RAB38: variants seen among roughly 807,000 people sequenced by gnomAD.
The protein encoded by RAB38 is ras-related protein Rab-38.
In RAB38, 15 loss-of-function variants were observed where a neutral mutation model predicts 18.4. The ratio of observed to expected loss-of-function variants is 0.82; its 90% CI spans 0.55 to 1.26. RAB38 has a LOEUF of 1.26. RAB38 is among the 50% of genes most tolerant of loss of function. RAB38 has a pLI of 0.00. For synonymous variants in RAB38, 101 were observed against 104.4 expected, an observed-to-expected ratio of 0.97 and a Z score of 0.20; for missense variants, 294 against 267.4, an observed-to-expected ratio of 1.10 and a Z score of -0.69.
At chr11:88,036,369 G>C in the RAB38 span, among the ~76,000 whole-genome samples, 1 of 152,162 alleles carries the variant, frequency 6.6e-6, no homozygotes, top group Admixed American at 6.5e-5. Context: ...CATTGCTTCT[G>C]AATCTTTCCA....
chr11:87,944,641 T>G, the RAB38 span, among the ~76,000 whole-genome samples: 1 of 152,174 alleles, frequency 6.6e-6, no homozygotes, highest in African/African-American at 2.4e-5. Context: ...ATTCTAGAAA[T>G]GCTTCTATCT....
At chr11:87,819,933 T>G in the RAB38 span, among the ~76,000 whole-genome samples, 1 of 151,910 alleles carries the variant, frequency 6.6e-6, no homozygotes, top group East Asian at 1.9e-4. Context: ...ATAGATACTG[T>G]GTTATGGGCA....
chr11:88,163,346 G>A (rs1943209646), intron 1 of RAB38, among the ~76,000 whole-genome samples: 2 of 152,102 alleles, frequency 1.3e-5, no homozygotes, highest in Admixed American at 6.6e-5. Flanking sequence ...ACCCCAGCAG[G>A]AAAAGGTGTA....
chr11:87,896,311 C>A, the RAB38 span, among the ~76,000 whole-genome samples: 2 of 151,696 alleles, frequency 1.3e-5, no homozygotes, highest in African/African-American at 4.8e-5. Flanking sequence ...TAAGAATCTC[C>A]CACATTCTAG....
chr11:87,893,286 T>TGTG, the RAB38 span, among the ~76,000 whole-genome samples: 1 of 139,202 alleles, frequency 7.2e-6, no homozygotes. Flanking sequence ...TTTCCAGATT[T>TGTG]TGTGTGTGTG....
chr11:87,937,338 ATATATATATATATC>A, the RAB38 span, among the ~76,000 whole-genome samples: 12 of 114,256 alleles, frequency 1.1e-4, no homozygotes, highest in Admixed American at 1.8e-4. Context: ...ATATATATAT[ATATATATATATATC>A]ATAATTCTAT....
At chr11:88,166,304 G>T (rs1316013509) in intron 1 of RAB38, 5 of 152,146 alleles carry the variant, frequency 3.3e-5, no homozygotes, top group African/African-American at 9.7e-5. Context: ...TCCACTGCAC[G>T]AACTTCCACA....
intron 2 of RAB38, among the ~76,000 whole-genome samples, chr11:88,147,780 C>A (rs2134824077): frequency 6.6e-6 from 1 of 152,088 alleles, no homozygotes; most frequent in South Asian, 2.1e-4. Flanking sequence ...GTAGTCCCAG[C>A]TACTCAGGAG....
At chr11:88,115,864 C>T (rs1942543849) in intron 2 of RAB38, 1 of 152,124 alleles carries the variant, frequency 6.6e-6, no homozygotes, top group Non-Finnish European at 1.5e-5. Flanking sequence ...CCATTTAACA[C>T]CCTTTAAGAT....
chr11:87,852,233 G>C, the RAB38 span, among the ~76,000 whole-genome samples: 1 of 152,076 alleles, frequency 6.6e-6, no homozygotes, highest in Admixed American at 6.6e-5. Flanking sequence ...TTATTCTGAG[G>C]TTGTATGACC....
At chr11:87,935,756 C>A in the RAB38 span, among the ~76,000 whole-genome samples, 1 of 152,014 alleles carries the variant, frequency 6.6e-6, no homozygotes, top group African/African-American at 2.4e-5. Context: ...CCACTCCCCA[C>A]CCCTACTCCC....
At chr11:87,931,553 A>G in the RAB38 span, among the ~76,000 whole-genome samples, 55 of 152,188 alleles carry the variant, frequency 3.6e-4, 1 homozygote, top group Non-Finnish European at 6.8e-4. Context: ...ACCAGGTACC[A>G]TATGGCTGCT....
At chr11:87,862,466 C>A in the RAB38 span, among the ~76,000 whole-genome samples, 1 of 151,818 alleles carries the variant, frequency 6.6e-6, no homozygotes, top group Non-Finnish European at 1.5e-5. Flanking sequence ...TATGAGAACA[C>A]ATGGACACAT....
the RAB38 span, among the ~76,000 whole-genome samples, chr11:87,956,758 A>C: frequency 6.6e-6 from 1 of 152,106 alleles, no homozygotes; most frequent in Non-Finnish European, 1.5e-5. Flanking sequence ...CTTAACTGAA[A>C]GTAAGTCATA....
chr11:87,933,950 G>A, the RAB38 span, among the ~76,000 whole-genome samples: 1 of 152,086 alleles, frequency 6.6e-6, no homozygotes, highest in Admixed American at 6.6e-5. Flanking sequence ...ATGAAGAGAA[G>A]TTTGTGCAGG....
chr11:88,116,828 T>C (rs138684279), intron 2 of RAB38, among the ~76,000 whole-genome samples: 14 of 152,330 alleles, frequency 9.2e-5, no homozygotes, highest in African/African-American at 3.1e-4. Context: ...TCCACTCATA[T>C]ATTAACTGCC....
chr11:87,922,577 TATA>T, the RAB38 span, among the ~76,000 whole-genome samples: 1 of 151,892 alleles, frequency 6.6e-6, no homozygotes, highest in Admixed American at 6.6e-5. Flanking sequence ...AAAAAATATA[TATA>T]ATTGAGTCAT....
the RAB38 span, among the ~76,000 whole-genome samples, chr11:88,059,809 G>A: frequency 4.1e-5 from 6 of 146,900 alleles, no homozygotes; most frequent in Non-Finnish European, 7.4e-5. Flanking sequence ...TAAGACCCTG[G>A]TCCGGCTCAC....
At chr11:87,934,901 A>T in the RAB38 span, among the ~76,000 whole-genome samples, 1 of 152,068 alleles carries the variant, frequency 6.6e-6, no homozygotes, top group Non-Finnish European at 1.5e-5. Flanking sequence ...CAGCGATGAG[A>T]TGGGATAACA....
Sources: gnomAD v4.1 joint callset for allele counts (sites outside exome capture counted in the v4.1 genomes callset) on GRCh38, gnomAD v4.1.1 for gene constraint, MANE v1.5 for transcripts, NCBI Gene and HGNC (gene_info 2026-07-23, HGNC 2026-07-21) for gene names.